Variants in ADGRV1 observed in about 807,000 individuals in gnomAD.
The protein encoded by ADGRV1 is adhesion G protein-coupled receptor V1, also known as G-protein coupled receptor 98.
Under a neutral mutation model 596.2 loss-of-function variants are expected in ADGRV1, and 359 were observed. The observed-to-expected ratio is 0.60, with a 90% confidence interval of 0.55 to 0.66. The LOEUF is 0.66. Among genes scored for constraint, ADGRV1 ranks in the 30% least tolerant of loss-of-function variants. The pLI is 0.00. For synonymous variants in ADGRV1, 2,681 were observed against 2,679.2 expected (o/e 1.00, Z -0.02); for missense variants, 7,274 against 7,575.6 (o/e 0.96, Z 1.48).
chr5:90,703,774 C>T lies in ADGRV1; in HGVS notation c.8265C>T (p.Ser2755=), dbSNP rs371820414. Residue 2755 remains serine, a synonymous_variant, in exon 35 of 90, where the codon AGC becomes AGT. Coordinates refer to ENST00000405460, the MANE Select transcript of ADGRV1 (RefSeq NM_032119.4). ...QNLELNFANF[S]GQLFFPEGSL... ...TAGAACTCAATTTTGCTAACTTTAG[C>T]GGACAACTTTTCTTTCCTGAGGTAA... 1.0e-4 allele frequency: 167 copies of T among 1,597,798 alleles called. No homozygotes were observed. The highest frequency in any genetic ancestry group is 1.4e-4 in the Non-Finnish European group (159 of 1,171,792).
chr5:91,009,948 C>T (rs1362717553), intron 85 of ADGRV1, among the ~76,000 whole-genome samples: 1 of 151,760 alleles, frequency 6.6e-6, no homozygotes, highest in Non-Finnish European at 1.5e-5. Flanking sequence ...TTTCTTAAAA[C>T]ATCACAAGTT....
chr5:90,987,246 G>A (rs571401719), intron 85 of ADGRV1, among the ~76,000 whole-genome samples: 6 of 152,162 alleles, frequency 3.9e-5, no homozygotes, highest in South Asian at 2.1e-4. Flanking sequence ...TTTGGGAGGC[G>A]GAGACAGGCT....
chr5:90,928,233 C>T (rs1281817147), intron 83 of ADGRV1, among the ~76,000 whole-genome samples: 2 of 151,846 alleles, frequency 1.3e-5, no homozygotes, highest in South Asian at 2.1e-4. Context: ...GTGTTTTCCA[C>T]CTTGGTTCCA....
intron 89 of ADGRV1, among the ~76,000 whole-genome samples, chr5:91,153,807 G>A (rs188263762): frequency 1.1e-3 from 174 of 152,312 alleles, no homozygotes; most frequent in African/African-American, 4.1e-3. Context: ...GCATGGTATA[G>A]TTCTATAATT....
intron 21 of ADGRV1, among the ~76,000 whole-genome samples, chr5:90,669,634 T>A (rs1319123347): frequency 1.3e-5 from 2 of 152,136 alleles, no homozygotes; most frequent in African/African-American, 2.4e-5. Flanking sequence ...AATGATAGAA[T>A]GAGCATTATC....
At chr5:90,582,760 T>C (rs552655859) in intron 1 of ADGRV1, among the ~76,000 whole-genome samples, 109 of 152,250 alleles carry the variant, frequency 7.2e-4, no homozygotes, top group African/African-American at 2.6e-3. Context: ...TTGTAAGATA[T>C]GGGGTCTTTC....
chr5:90,805,722 T>G (rs2150202348), intron 72 of ADGRV1, among the ~76,000 whole-genome samples: 1 of 152,264 alleles, frequency 6.6e-6, no homozygotes, highest in South Asian at 2.1e-4. Context: ...AGGAGTTTGT[T>G]GAAAGTAGTT....
rs56382582 is a variant in ADGRV1 at position 90,855,813 on chromosome 5, C to A, written c.17667C>A (p.His5889Gln). The change falls in exon 82 of 90, where the codon CAC (histidine) becomes CAA (glutamine). Residue 5889 changes from histidine (H) to glutamine (Q), a missense_variant. By Grantham distance (24) the His-to-Gln change is conservative. Transcript: ENST00000405460. ...TADYVECACSHMSVYAVYART... is the reference protein window; with the variant it reads ...TADYVECACSQMSVYAVYART... Reference sequence around the variant, plus strand: ...ACTATGTGGAATGTGCCTGTTCACACATGTCTGTGTATGCTGTCTATGCTC... The same window carrying A: ...ACTATGTGGAATGTGCCTGTTCACAAATGTCTGTGTATGCTGTCTATGCTC... 6.2e-7 allele frequency: 1 copy of A among 1,610,044 alleles called. No individual in the cohort carries two copies. Among genetic ancestry groups the A allele is most frequent in the Non-Finnish European group, 8.5e-7 (1 of 1,176,840 alleles).
intron 86 of ADGRV1, among the ~76,000 whole-genome samples, chr5:91,090,720 C>T (rs1272021625): frequency 6.6e-6 from 1 of 151,896 alleles, no homozygotes; most frequent in South Asian, 2.1e-4. Flanking sequence ...AGAAGGTAGT[C>T]GGTGGAAGCC....
At chr5:90,940,830 AC>A (rs60301478) in intron 83 of ADGRV1, among the ~76,000 whole-genome samples, 64,079 of 151,882 alleles carry the variant, frequency 0.42, 14,715 homozygotes, top group Non-Finnish European at 0.51. Flanking sequence ...ACATTCAGCC[AC>A]TGCCTCATTT....
intron 57 of ADGRV1, among the ~76,000 whole-genome samples, 176 bp downstream of exon 57, chr5:90,757,337 G>T (rs1755943033): frequency 6.6e-6 from 1 of 151,790 alleles, no homozygotes; most frequent in African/African-American, 2.4e-5. Context: ...CATAGGAAGA[G>T]ACTTATAAAG....
At chr5:90,798,912 T>C (rs1254710494) in intron 70 of ADGRV1, among the ~76,000 whole-genome samples, 1 of 152,176 alleles carries the variant, frequency 6.6e-6, no homozygotes, top group Non-Finnish European at 1.5e-5. Context: ...AACTAGGTAT[T>C]GATGGAATGT....
Position 90,744,281 on chromosome 5 carries a change from C to CTT in ADGRV1, c.10550-764_10550-763dup, listed in dbSNP as rs749004928. 3.3e-5 allele frequency among the ~76,000 whole-genome samples: 5 copies of CTT among 152,308 alleles called. No individual in the cohort carries two copies. The South Asian group carries it at 1.0e-3, about 32-fold the overall frequency. ...ACAGATGTGAGCCACTGCACCCAGC[C>CTT]TTGCTTTGAACTATCAAAAGTATGG... is the stretch of plus-strand genomic sequence containing the variant. On this transcript the variant is annotated intron_variant, in intron 50 of 89. Transcript: ENST00000405460.
At position 90,694,381 on chromosome 5, in the gene ADGRV1, T is replaced by C; in HGVS notation, c.7625T>C (p.Leu2542Pro). ...PEMDESFLIS[L>P]LEVHLMNISA... ...ATGGATGAGAGTTTTCTAATTTCTC[T>C]CCTTGAAGTTCACCTCATGAACATT... The change falls in exon 33 of 90, where the codon CTC (leucine) becomes CCC (proline). Residue 2542 changes from leucine (L) to proline (P), a missense_variant. Coordinates refer to ENST00000405460, the MANE Select transcript of ADGRV1 (RefSeq NM_032119.4). 6.2e-7 allele frequency: 1 copy of C among 1,613,996 alleles called. No homozygotes were observed. Among genetic ancestry groups the C allele is most frequent in the African/African-American group, 1.3e-5 (1 of 75,050 alleles).
chr5:90,642,861 A>C lies in ADGRV1; in HGVS notation c.2373A>C (p.Gly791=), dbSNP rs1204511512. The change falls in exon 13 of 90, where the codon GGA becomes GGC. Residue 791 remains glycine (G), a synonymous_variant. Coordinates refer to ENST00000405460, the MANE Select transcript of ADGRV1 (RefSeq NM_032119.4). ...ASRGPYVIKE[G]ESVELHIIRS... ...TTGTGGATTTGTTTTTAAAGGAAGG[A>C]GAATCTGTAGAGCTCCACATCATCC... 6.3e-7 allele frequency: 1 copy of C among 1,598,650 alleles called. No homozygotes were observed.
intron 83 of ADGRV1, among the ~76,000 whole-genome samples, chr5:90,922,369 A>C (rs574919942): frequency 1.3e-5 from 2 of 152,212 alleles, no homozygotes; most frequent in Non-Finnish European, 2.9e-5. Context: ...GGGATAAACT[A>C]TATGACATGT....
intron 85 of ADGRV1, among the ~76,000 whole-genome samples, chr5:91,029,451 A>T (rs972903757): frequency 1.3e-5 from 2 of 152,224 alleles, no homozygotes; most frequent in African/African-American, 4.8e-5. Context: ...ACACATTTCC[A>T]TATACATATG....
intron 73 of ADGRV1, among the ~76,000 whole-genome samples, chr5:90,809,786 AG>A (rs1762269018): frequency 6.6e-6 from 1 of 152,188 alleles, no homozygotes; most frequent in South Asian, 2.1e-4. Context: ...TTTGCATGAG[AG>A]GTTAGTTCCA....
At chr5:90,567,383 T>C (rs1325660037) in intron 1 of ADGRV1, among the ~76,000 whole-genome samples, 1 of 152,168 alleles carries the variant, frequency 6.6e-6, no homozygotes, top group African/African-American at 2.4e-5. Flanking sequence ...TGTGAAGGGT[T>C]GATGTTAATT....
Sources: allele counts gnomAD v4.1 joint callset (sites outside exome capture counted in the v4.1 genomes callset), GRCh38; gene constraint gnomAD v4.1.1; transcripts MANE v1.5; gene names NCBI Gene and HGNC (gene_info 2026-07-23, HGNC 2026-07-21).